RBFOX1: variants seen among roughly 807,000 people sequenced by gnomAD.
RBFOX1 encodes RNA binding fox-1 homolog 1.
Under a neutral mutation model 57.7 loss-of-function variants are expected in RBFOX1, and 8 were observed. The observed-to-expected ratio is 0.14, with a 90% CI of 0.08 to 0.25. The LOEUF (loss-of-function observed/expected upper bound fraction) is 0.25, where lower values mean the gene tolerates loss of function less well. Among genes scored for constraint, RBFOX1 ranks in the 10% least tolerant of loss-of-function variants. The pLI is 1.00. For missense variants in RBFOX1, 611 were observed against 548.5 expected, an observed-to-expected ratio of 1.11 and a Z score of -1.14; for synonymous variants, 326 against 222.4, an observed-to-expected ratio of 1.47 and a Z score of -4.15.
chr16:6,235,421 G>A (rs1340027731), intron 1 of RBFOX1, among the ~76,000 whole-genome samples: 1 of 152,130 alleles, frequency 6.6e-6, no homozygotes, highest in African/African-American at 2.4e-5. Context: ...CAGAGGAAAA[G>A]AGGTCATCAT....
At chr16:5,679,335 T>A (rs1480611601) in intron 3 of RBFOX1, among the ~76,000 whole-genome samples, 1 of 132,794 alleles carries the variant, frequency 7.5e-6, no homozygotes, top group Non-Finnish European at 1.5e-5. Flanking sequence ...ATTCTCTCTC[T>A]TTTTTTTTTT....
At chr16:5,520,689 A>C (rs1402210948) in intron 2 of RBFOX1, among the ~76,000 whole-genome samples, 4 of 152,220 alleles carry the variant, frequency 2.6e-5, no homozygotes, top group African/African-American at 9.6e-5. Context: ...TGCTCGTCTC[A>C]CCATATGGCT....
chr16:6,204,755 G>T (rs569295427), intron 1 of RBFOX1, among the ~76,000 whole-genome samples: 1 of 152,146 alleles, frequency 6.6e-6, no homozygotes, highest in African/African-American at 2.4e-5. Context: ...TTTTAATTGA[G>T]TTGGATGACC....
chr16:6,639,647 C>T (rs182587827), intron 2 of RBFOX1, among the ~76,000 whole-genome samples: 21 of 152,150 alleles, frequency 1.4e-4, no homozygotes, highest in Middle Eastern at 3.4e-3. Context: ...GAGGCCGAGG[C>T]GGGCGGATCA....
chr16:6,178,011 C>G (rs188720843), intron 1 of RBFOX1, among the ~76,000 whole-genome samples: 148 of 150,416 alleles, frequency 9.8e-4, no homozygotes, highest in Middle Eastern at 3.5e-3. Flanking sequence ...AAATTTATAA[C>G]TTTAAATTGA....
intron 4 of RBFOX1, among the ~76,000 whole-genome samples, chr16:7,456,713 G>C (rs2058580244): frequency 6.6e-6 from 1 of 152,092 alleles, no homozygotes; most frequent in South Asian, 2.1e-4. Context: ...GAGCTTGATG[G>C]GTGCCCGTAG....
At chr16:5,778,458 C>G (rs2054218159) in intron 3 of RBFOX1, among the ~76,000 whole-genome samples, 2 of 152,184 alleles carry the variant, frequency 1.3e-5, no homozygotes, top group South Asian at 4.1e-4. Context: ...TGAAATTATT[C>G]AAACAAAGCA....
At chr16:6,957,194 T>C (rs1288851332) in intron 3 of RBFOX1, among the ~76,000 whole-genome samples, 4 of 150,576 alleles carry the variant, frequency 2.7e-5, no homozygotes, top group Non-Finnish European at 5.9e-5. Flanking sequence ...TGCAGTGGTG[T>C]GATCTCGGCT....
At chr16:6,949,544 C>G (rs1045957315) in intron 3 of RBFOX1, among the ~76,000 whole-genome samples, 9 of 151,468 alleles carry the variant, frequency 5.9e-5, no homozygotes, top group African/African-American at 1.5e-4. Flanking sequence ...CCCTGGTTTA[C>G]TGATGACGAT....
chr16:7,376,609 A>G (rs1056287271), intron 4 of RBFOX1, among the ~76,000 whole-genome samples: 4 of 152,182 alleles, frequency 2.6e-5, no homozygotes, highest in Admixed American at 2.6e-4. Flanking sequence ...ATGTTATGTA[A>G]TTAATTACAA....
At chr16:5,827,496 C>G (rs13333887) in intron 3 of RBFOX1, among the ~76,000 whole-genome samples, 3 of 151,940 alleles carry the variant, frequency 2.0e-5, no homozygotes, top group Admixed American at 6.5e-5. Context: ...CTATGCACCC[C>G]GAGAACTCCC....
chr16:7,699,643 C>A (rs1163625049), intron 14 of RBFOX1, among the ~76,000 whole-genome samples: 1 of 151,922 alleles, frequency 6.6e-6, no homozygotes, highest in Non-Finnish European at 1.5e-5. Context: ...AAACTTAGTA[C>A]AAAAATGATG....
intron 4 of RBFOX1, among the ~76,000 whole-genome samples, chr16:7,160,279 G>T (rs930624068): frequency 1.3e-5 from 2 of 151,832 alleles, no homozygotes; most frequent in Non-Finnish European, 2.9e-5. Context: ...TCCTGTCTTT[G>T]GCAGGTTTCA....
chr16:5,956,287 A>G (rs192269503), intron 4 of RBFOX1, among the ~76,000 whole-genome samples: 1 of 152,298 alleles, frequency 6.6e-6, no homozygotes, highest in East Asian at 1.9e-4. Context: ...ATGAACAAAC[A>G]AACAAACTAA....
At chr16:6,255,233 A>C (rs936551345) in intron 1 of RBFOX1, among the ~76,000 whole-genome samples, 18 of 152,194 alleles carry the variant, frequency 1.2e-4, no homozygotes, top group Non-Finnish European at 2.2e-4. Flanking sequence ...TGTCAACAGC[A>C]CACAATGAAG....
At chr16:5,454,755 T>TTTC (rs1270997531) in intron 1 of RBFOX1, among the ~76,000 whole-genome samples, 25,993 of 62,256 alleles carry the variant, frequency 0.42, 3,289 homozygotes, top group Middle Eastern at 0.47. Flanking sequence ...TTTTCTTTTC[T>TTTC]TTTCTTTCTT....
intron 4 of RBFOX1, among the ~76,000 whole-genome samples, chr16:7,407,373 GGTGTGTGTGTGTGTGTGT>G (rs77358035): frequency 6.7e-6 from 1 of 149,556 alleles, no homozygotes; most frequent in South Asian, 2.1e-4. Context: ...GATTTGTATG[GGTGTGTGTGTGTGTGTGT>G]GTGTGTGTGT....
At chr16:5,428,797 C>G (rs1396280453) in intron 1 of RBFOX1, among the ~76,000 whole-genome samples, 2 of 152,108 alleles carry the variant, frequency 1.3e-5, no homozygotes, top group East Asian at 3.8e-4. Context: ...TTTGTAATGA[C>G]ATATGATTTT....
intron 1 of RBFOX1, among the ~76,000 whole-genome samples, chr16:6,223,146 T>C (rs1452950665): frequency 6.6e-6 from 1 of 150,784 alleles, no homozygotes; most frequent in African/African-American, 2.4e-5. Flanking sequence ...TTGTGGATAG[T>C]GCCACAATAA....
Sources: allele counts gnomAD v4.1 joint callset (sites outside exome capture counted in the v4.1 genomes callset), GRCh38; gene constraint gnomAD v4.1.1; transcripts MANE v1.5; gene names NCBI Gene and HGNC (gene_info 2026-07-23, HGNC 2026-07-21).